The following SULT2B1 variants were observed in gnomAD, a reference collection of about 807,000 sequenced individuals.
The protein encoded by SULT2B1 is sulfotransferase family 2B member 1, also known as sulfotransferase 2B1.
A neutral mutation model predicts 33.2 loss-of-function variants in SULT2B1; 16 were observed. That is an observed-to-expected ratio of 0.48 (90% CI 0.33 to 0.73). The LOEUF is 0.73. Among genes scored for constraint, SULT2B1 ranks in the 30% least tolerant of loss-of-function variants. SULT2B1 has a pLI of 0.02. For synonymous variants in SULT2B1, 186 were observed against 200.5 expected, an observed-to-expected ratio of 0.93 and a Z score of 0.61; for missense variants, 500 against 506.0, an observed-to-expected ratio of 0.99 and a Z score of 0.11.
rs754991620 is a variant in SULT2B1, at chr19:48,556,482, G to T, written c.71+4159G>T. Among the ~76,000 whole-genome samples, 5 of 152,152 alleles carry T rather than the reference G, an allele frequency of 3.3e-5. No individual in the cohort carries two copies. In the Middle Eastern group the frequency reaches 0.01, roughly 311 times the overall value. On this transcript the variant is annotated intron_variant, in intron 1 of 6. Coordinates refer to ENST00000201586, the MANE Select transcript of SULT2B1 (RefSeq NM_177973.2). ...GGAATGGTTGGGGCACAGGGACACA[G>T]GTGGCTTCAGGAGAGTAAGGGGCAG...
chr19:48,557,029 C>T (rs1244572732), intron 1 of SULT2B1, among the ~76,000 whole-genome samples: 1 of 151,776 alleles, frequency 6.6e-6, no homozygotes, highest in Non-Finnish European at 1.5e-5. Context: ...GCAGGAGTAT[C>T]ATTTGAGGCC....
intron 1 of SULT2B1, chr19:48,575,463 AATATATATAT>A (rs71952245): frequency 7.1e-6 from 1 of 140,958 alleles, no homozygotes; most frequent in Non-Finnish European, 1.5e-5. Context: ...TAAAATTAAA[AATATATATAT>A]ATATATATTT....
At chr19:48,553,580 T>C (rs1328397682) in intron 1 of SULT2B1, among the ~76,000 whole-genome samples, 4 of 152,328 alleles carry the variant, frequency 2.6e-5, no homozygotes, top group African/African-American at 9.6e-5. Context: ...CCCAAAGTGC[T>C]GGGATTACAG....
At chr19:48,559,287 G>A (rs1009870178) in intron 1 of SULT2B1, among the ~76,000 whole-genome samples, 9 of 152,146 alleles carry the variant, frequency 5.9e-5, no homozygotes, top group African/African-American at 2.2e-4. Context: ...CCTGTGTACG[G>A]ACTGGCAGAG....
Position 48,591,626 on chromosome 19 carries a change from C to A in SULT2B1, c.441C>A (p.Arg147=), listed in dbSNP as rs1973643714. The change falls in exon 4 of 7, where the codon CGC becomes CGA. Residue 147 remains arginine (R), a synonymous_variant. Transcript: ENST00000201586. Reference sequence around the variant, plus strand: ...GCACACAGGTGATCTACATGGGCCGCAACCCCCGGGACGTTGTGGTCTCCC... The same window carrying A: ...GCACACAGGTGATCTACATGGGCCGAAACCCCCGGGACGTTGTGGTCTCCC... The part of the protein sequence containing the change: ...SSKAKVIYMG[R]NPRDVVVSLY... 1 of 1,613,072 alleles carries A rather than the reference C, an allele frequency of 6.2e-7. No individual in the cohort carries two copies. The highest frequency in any genetic ancestry group is 1.3e-5 in the African/African-American group (1 of 74,908).
At chr19:48,595,749 A>C (rs2379081) in intron 5 of SULT2B1, 117,317 of 147,974 alleles carry the variant, frequency 0.79, 47,156 homozygotes, top group Middle Eastern at 0.87. Flanking sequence ...CTCACTGCAA[A>C]CTCCACCTCC....
chr19:48,587,608 T>G (rs995117315), intron 3 of SULT2B1, among the ~76,000 whole-genome samples, 171 bp downstream of exon 3: 3 of 152,028 alleles, frequency 2.0e-5, no homozygotes, highest in African/African-American at 7.2e-5. Context: ...TGCCTGCCCT[T>G]TGGCAGGGAG....
intron 1 of SULT2B1, among the ~76,000 whole-genome samples, chr19:48,572,718 G>A (rs1973346745): frequency 6.6e-6 from 1 of 152,020 alleles, no homozygotes. Context: ...AGGGGCAGCG[G>A]AGAAGACCTG....
At chr19:48,577,058 C>T (rs796747138) in intron 2 of SULT2B1, among the ~76,000 whole-genome samples, 14 of 103,880 alleles carry the variant, frequency 1.3e-4, no homozygotes, top group Admixed American at 3.8e-4. Flanking sequence ...TTTTTTGTGA[C>T]GGAGTCTCTC....
intron 1 of SULT2B1, among the ~76,000 whole-genome samples, chr19:48,565,467 C>T (rs1489428748): frequency 6.6e-6 from 1 of 151,680 alleles, no homozygotes; most frequent in Non-Finnish European, 1.5e-5. Flanking sequence ...GCAACCTCCA[C>T]CTCCCAGATT....
chr19:48,598,267 T>C (rs1239308032), intron 6 of SULT2B1, among the ~76,000 whole-genome samples: 1 of 151,996 alleles, frequency 6.6e-6, no homozygotes, highest in East Asian at 1.9e-4. Context: ...AGGTGAGGGG[T>C]GATGCCCCTG....
chr19:48,567,195 C>G (rs140129229), intron 1 of SULT2B1, among the ~76,000 whole-genome samples: 2 of 152,056 alleles, frequency 1.3e-5, no homozygotes, highest in Admixed American at 1.3e-4. Context: ...TATTTCACTG[C>G]GCGCTTCCTC....
chr19:48,565,505 G>C (rs908086418), intron 1 of SULT2B1, among the ~76,000 whole-genome samples: 1 of 150,852 alleles, frequency 6.6e-6, no homozygotes, highest in South Asian at 2.1e-4. Context: ...TCAGCCTCCC[G>C]AGTAGCTGGG....
chr19:48,552,388 G>A lies in SULT2B1; in HGVS notation c.71+65G>A, dbSNP rs138707382. 202 of 1,554,558 alleles carry A rather than the reference G, an allele frequency of 1.3e-4. No homozygotes were observed. The East Asian group carries it at 4.2e-3, about 32-fold the overall frequency. The stretch of plus-strand genomic sequence containing the variant: ...GAGGAGGTGGCTGTTTGGGGGAGCC[G>A]GGGACTGTGGCAAGGGTGGCCTCCA... On this transcript the variant is annotated intron_variant, in intron 1 of 6. Coordinates refer to ENST00000201586, the MANE Select transcript of SULT2B1 (RefSeq NM_177973.2). This position sits in a 1 kb window ranked among gnomAD's most constrained non-coding sequence, Gnocchi z 4.8.
At chr19:48,578,389 C>T (rs959805656) in intron 2 of SULT2B1, among the ~76,000 whole-genome samples, 1 of 152,092 alleles carries the variant, frequency 6.6e-6, no homozygotes, top group African/African-American at 2.4e-5. Flanking sequence ...CGAGAGCAGC[C>T]TGGCCAACAT....
At chr19:48,586,535 C>T (rs540239546) in intron 2 of SULT2B1, among the ~76,000 whole-genome samples, 1 of 152,252 alleles carries the variant, frequency 6.6e-6, no homozygotes, top group East Asian at 1.9e-4. Context: ...TCGCCGCCAC[C>T]TATACTTCCT....
chr19:48,558,508 C>T (rs550406769), intron 1 of SULT2B1, among the ~76,000 whole-genome samples: 32 of 152,006 alleles, frequency 2.1e-4, no homozygotes, highest in Non-Finnish European at 3.8e-4. Flanking sequence ...GAGTCCCTGG[C>T]GCCGGCACCT....
chr19:48,556,916 C>T (rs1222416787), intron 1 of SULT2B1, among the ~76,000 whole-genome samples: 1 of 151,074 alleles, frequency 6.6e-6, no homozygotes, highest in African/African-American at 2.4e-5. Context: ...TGCCACTGTA[C>T]TCCAGCCTGG....
intron 4 of SULT2B1, 122 bp downstream of exon 4, chr19:48,591,857 G>A: frequency 1.6e-6 from 2 of 1,219,994 alleles, no homozygotes; most frequent in Non-Finnish European, 2.2e-6. Flanking sequence ...ATCAAAAGGG[G>A]CAATAGAGAC....
Sources: allele counts gnomAD v4.1 joint callset (sites outside exome capture counted in the v4.1 genomes callset), GRCh38; gene constraint gnomAD v4.1.1; non-coding constraint Gnocchi (gnomAD v3.1); transcripts MANE v1.5; gene names NCBI Gene and HGNC (gene_info 2026-07-23, HGNC 2026-07-21).